Variants in PDE4B observed in about 807,000 individuals in gnomAD.
The protein encoded by PDE4B is 3',5'-cyclic-AMP phosphodiesterase 4B.
A neutral mutation model predicts 82.2 loss-of-function variants in PDE4B; 20 were observed. The ratio of observed to expected loss-of-function variants is 0.24; its 90% CI spans 0.17 to 0.35. The LOEUF (loss-of-function observed/expected upper bound fraction) is 0.35. Among genes scored for constraint, PDE4B ranks in the 10% least tolerant of loss-of-function variants. The pLI, the probability that PDE4B is intolerant of heterozygous loss-of-function variation, is 1.00. For synonymous variants in PDE4B, 320 were observed against 318.9 expected (o/e 1.00, Z -0.04); for missense variants, 655 against 907.2 (o/e 0.72, Z 3.57).
chr1:66,162,643 T>C (rs1202511638), intron 3 of PDE4B, among the ~76,000 whole-genome samples: 3 of 152,088 alleles, frequency 2.0e-5, no homozygotes, highest in African/African-American at 4.8e-5. Flanking sequence ...ACTTACTTGT[T>C]GAGCATGCCA....
chr1:66,152,218 G>C (rs561792093), intron 3 of PDE4B, among the ~76,000 whole-genome samples: 7 of 152,192 alleles, frequency 4.6e-5, no homozygotes, highest in African/African-American at 1.7e-4. Context: ...TTGATGCTAG[G>C]GGAGGGTAAA....
At chr1:66,197,095 GGATC>G (rs1648382701) in intron 3 of PDE4B, among the ~76,000 whole-genome samples, 3 of 152,010 alleles carry the variant, frequency 2.0e-5, no homozygotes, top group Admixed American at 2.0e-4. Context: ...ATTGAAGTCT[GGATC>G]TGTTTATGTT....
intron 3 of PDE4B, among the ~76,000 whole-genome samples, chr1:66,222,710 T>C (rs1299998068): frequency 6.6e-6 from 1 of 152,172 alleles, no homozygotes; most frequent in Non-Finnish European, 1.5e-5. Context: ...ATAAAACCTA[T>C]CTTGTGAATT....
chr1:65,885,579 GA>G (rs1435830805), intron 1 of PDE4B, among the ~76,000 whole-genome samples: 3 of 152,006 alleles, frequency 2.0e-5, no homozygotes, highest in African/African-American at 7.2e-5. Flanking sequence ...GATGAAGCCG[GA>G]AACGATCATT....
chr1:66,037,142 AAG>A, intron 3 of PDE4B, among the ~76,000 whole-genome samples: 1 of 151,784 alleles, frequency 6.6e-6, no homozygotes, highest in East Asian at 1.9e-4. Context: ...AAAAAAAAAA[AAG>A]AAATAATTGT....
Position 66,336,603 on chromosome 1 carries a change from G to A in PDE4B, c.747+3983G>A, listed in dbSNP as rs920772874. On this transcript the variant is annotated intron_variant, in intron 8 of 16. Transcript: ENST00000341517. ...GCAGAACAAAGGTTGGGTGCTGCTG[G>A]GTGAAAATGGATATTCTGTTGTTGA... is the stretch of plus-strand genomic sequence containing the variant. Among the ~76,000 whole-genome samples the A allele has an allele frequency of 2.6e-5, 4 of 152,126 alleles. No homozygotes were observed. In the East Asian group the frequency reaches 7.7e-4, roughly 29 times the overall value.
At chr1:66,130,573 A>G (rs1387933194) in intron 3 of PDE4B, among the ~76,000 whole-genome samples, 1 of 152,176 alleles carries the variant, frequency 6.6e-6, no homozygotes, top group African/African-American at 2.4e-5. Context: ...AGCCTCTTAT[A>G]TGATTCTCTA....
At position 65,850,118 on chromosome 1, in the gene PDE4B, T is replaced by TC. The variant is rs1413610821; in HGVS notation, c.-71+56870_-71+56871insC. Among the ~76,000 whole-genome samples, 516 of 147,418 alleles carry TC rather than the reference T, an allele frequency of 3.5e-3. 5 individuals carry two copies. Among genetic ancestry groups the TC allele is most frequent in the African/African-American group, 0.012 (493 of 39,902 alleles). ...AGTAGTATTGCCCTGCACTTTTTTT[T>TC]TTTTTTTTTTTTTTGAGACAGAGTC... On this transcript the variant is annotated intron_variant, in intron 1 of 16. Transcript: ENST00000341517.
At chr1:65,925,539 A>G (rs1647452954) in intron 3 of PDE4B, among the ~76,000 whole-genome samples, 2 of 151,650 alleles carry the variant, frequency 1.3e-5, no homozygotes, top group Admixed American at 1.3e-4. Flanking sequence ...CCCCATCACT[A>G]CCTCCTCCAT....
At chr1:66,318,299 GT>G (rs1346659472) in intron 7 of PDE4B, among the ~76,000 whole-genome samples, 2 of 152,150 alleles carry the variant, frequency 1.3e-5, no homozygotes, top group East Asian at 3.8e-4. Flanking sequence ...TTTACTGGGG[GT>G]GTGGCAAAGA....
chr1:66,210,595 C>CAAAAAAAAAAAAAAAAAAAAAAAAAAAAA (rs35825766), intron 3 of PDE4B, among the ~76,000 whole-genome samples: 1 of 45,802 alleles, frequency 2.2e-5, no homozygotes, highest in African/African-American at 8.5e-5. Flanking sequence ...GACTCCATCT[C>CAAAAAAAAAAAAAAAAAAAAAAAAAAAAA]AAAAAAAAAA....
intron 1 of PDE4B, among the ~76,000 whole-genome samples, chr1:65,876,400 T>A (rs1388817963): frequency 6.6e-6 from 1 of 152,088 alleles, no homozygotes; most frequent in Non-Finnish European, 1.5e-5. Context: ...TAATATTTTG[T>A]CAAATAGTTA....
At chr1:66,062,251 A>T (rs1434982045) in intron 3 of PDE4B, among the ~76,000 whole-genome samples, 1 of 152,072 alleles carries the variant, frequency 6.6e-6, no homozygotes, top group Non-Finnish European at 1.5e-5. Flanking sequence ...ACAAAATGCA[A>T]TTTTTCCTCT....
At chr1:65,827,152 T>C (rs539158315) in intron 1 of PDE4B, among the ~76,000 whole-genome samples, 1 of 152,198 alleles carries the variant, frequency 6.6e-6, no homozygotes, top group Admixed American at 6.5e-5. Flanking sequence ...CGCTAAACAT[T>C]TAGCAGAACA....
At chr1:65,900,671 C>T (rs1646962064) in intron 1 of PDE4B, among the ~76,000 whole-genome samples, 2 of 151,990 alleles carry the variant, frequency 1.3e-5, no homozygotes, top group Admixed American at 6.6e-5. Flanking sequence ...GATATTTCAC[C>T]TCCTTGGTTA....
intron 3 of PDE4B, among the ~76,000 whole-genome samples, chr1:66,180,282 G>A (rs1647032945): frequency 6.6e-6 from 1 of 152,164 alleles, no homozygotes; most frequent in South Asian, 2.1e-4. Flanking sequence ...ACAGCAAGTT[G>A]AGGAAATGGA....
intron 3 of PDE4B, among the ~76,000 whole-genome samples, chr1:66,237,904 T>C (rs955109364): frequency 6.6e-6 from 1 of 152,046 alleles, no homozygotes; most frequent in African/African-American, 2.4e-5. Context: ...TACCGTTAAG[T>C]GCAACAGATG....
intron 1 of PDE4B, among the ~76,000 whole-genome samples, chr1:65,818,960 A>G (rs1203771152): frequency 6.6e-6 from 1 of 152,142 alleles, no homozygotes; most frequent in African/African-American, 2.4e-5. Flanking sequence ...AAACCCCAAC[A>G]TAGTTTGTTT....
chr1:66,060,186 G>A (rs563818717), intron 3 of PDE4B, among the ~76,000 whole-genome samples: 194 of 152,242 alleles, frequency 1.3e-3, no homozygotes, highest in Non-Finnish European at 2.1e-3. Flanking sequence ...ATTTGTCACC[G>A]AGTTGTGAAG....
Sources: gnomAD v4.1 joint callset for allele counts (sites outside exome capture counted in the v4.1 genomes callset) on GRCh38, gnomAD v4.1.1 for gene constraint, MANE v1.5 for transcripts, NCBI Gene and HGNC (gene_info 2026-07-23, HGNC 2026-07-21) for gene names.